The following TMEM132A variants were observed in gnomAD, a reference collection of about 807,000 sequenced individuals.
TMEM132A encodes the protein transmembrane protein 132A, also known as GRP78-binding protein.
A neutral mutation model predicts 69.9 loss-of-function variants in TMEM132A; 48 were observed. That is an observed-to-expected ratio of 0.69 (90% CI 0.55 to 0.87). The LOEUF is 0.87. Ranked by LOEUF, TMEM132A falls within the 40% of genes least tolerant of loss-of-function variation. The pLI is 0.00. For synonymous variants in TMEM132A, 577 were observed against 613.7 expected, an observed-to-expected ratio of 0.94 and a Z score of 0.88; for missense variants, 1,287 against 1,407.2, an observed-to-expected ratio of 0.91 and a Z score of 1.37.
chr11:60,933,477 C>G, intron 7 of TMEM132A, 65 bp from the exon 8 acceptor site: 2 of 1,418,802 alleles, frequency 1.4e-6, no homozygotes, highest in Non-Finnish European at 1.9e-6. Flanking sequence ...AGCCACCCAC[C>G]CGGCCCAGCC....
chr11:60,926,372 A>T (rs1008930203), intron 1 of TMEM132A, among the ~76,000 whole-genome samples: 1 of 152,350 alleles, frequency 6.6e-6, no homozygotes, highest in Non-Finnish European at 1.5e-5. Flanking sequence ...CATCCACAAA[A>T]TGGGATTCAT....
Position 60,927,716 on chromosome 11 carries a change from G to A in TMEM132A, c.391G>A (p.Ala131Thr), listed in dbSNP as rs1457055592. Residue 131 changes from alanine (A) to threonine (T), a missense_variant, in exon 3 of 11, where the codon GCT becomes ACT. Coordinates refer to ENST00000453848, the MANE Select transcript of TMEM132A (RefSeq NM_178031.3). Reference protein sequence around the residue: ...WDVRAVSVEAAVTPAEPYARV... With the variant: ...WDVRAVSVEATVTPAEPYARV... ...CGTGCGGGCCGTTTCAGTGGAAGCG[G>A]CTGTGACTCCAGCAGAGCCCTACGC... is the stretch of plus-strand genomic sequence containing the variant. The A allele has an allele frequency of 1.2e-6, 2 of 1,613,492 alleles. No individual in the cohort carries two copies. Among genetic ancestry groups the A allele is most frequent in the Non-Finnish European group, 1.7e-6 (2 of 1,180,058 alleles).
intron 9 of TMEM132A, 138 bp downstream of exon 9, chr11:60,934,902 T>G (rs1447329255): frequency 4.2e-6 from 4 of 952,096 alleles, no homozygotes; most frequent in Non-Finnish European, 6.1e-6. Context: ...CTGAGTGCAG[T>G]GGGATTGGGG....
rs1219122651 is a variant in TMEM132A, at chr11:60,924,538, G to A, written c.-96G>A. On this transcript the variant is annotated 5_prime_UTR_variant, in exon 1 of 11. Coordinates refer to ENST00000453848, the MANE Select transcript of TMEM132A (RefSeq NM_178031.3). ...CGGCGGCGGCGGCCGGGACCCAGCG[G>A]GCCAGGTGGGGACGGCGCGGAGCGG... 1.0e-6 allele frequency: 1 copy of A among 968,862 alleles called. No homozygotes were observed. Among genetic ancestry groups the A allele is most frequent in the South Asian group, 2.0e-5 (1 of 51,170 alleles). The allele number at this position is 968,862 out of a possible 1,614,324, so 60.0% of individuals were successfully genotyped here.
chr11:60,933,682 C>T lies in TMEM132A; in HGVS notation c.1497C>T (p.Ile499=), dbSNP rs773420606. The T allele has an allele frequency of 7.5e-6, 12 of 1,604,092 alleles. No homozygotes were observed. The East Asian group carries it at 9.0e-5, about 12-fold the overall frequency. Residue 499 remains isoleucine, a synonymous_variant, in exon 8 of 11, where the codon ATC becomes ATT. Coordinates refer to ENST00000453848, the MANE Select transcript of TMEM132A (RefSeq NM_178031.3). The part of the protein sequence containing the change: ...TVWAPLLPLR[I]ELTDTTLEQV... ...GGGCCCCCCTGCTACCGCTGCGTATCGAGCTCACCGACACCACCCTCGAGC... is the reference window on the plus strand; with the variant it reads ...GGGCCCCCCTGCTACCGCTGCGTATTGAGCTCACCGACACCACCCTCGAGC...
chr11:60,936,232 C>G lies in TMEM132A; in HGVS notation c.2397C>G (p.Gly799=), dbSNP rs1466007140. The change falls in exon 11 of 11, where the codon GGC becomes GGG. Residue 799 remains glycine, a synonymous_variant. Transcript: ENST00000453848. ...ATMGGKRQVA[G]SVGGNTGVRG... is the part of the protein sequence containing the mutation. ...TGGGTGGTAAACGGCAGGTGGCAGG[C>G]AGTGTCGGGGGCAACACAGGTGTGA... is the stretch of plus-strand genomic sequence containing the variant. 6.2e-7 allele frequency: 1 copy of G among 1,613,998 alleles called. No homozygotes were observed. Among genetic ancestry groups the G allele is most frequent in the Admixed American group, 1.7e-5 (1 of 60,020 alleles).
intron 1 of TMEM132A, chr11:60,925,077 A>C: frequency 4.0e-6 from 1 of 250,588 alleles, no homozygotes; most frequent in Non-Finnish European, 7.7e-6. Flanking sequence ...CCACTCCCTC[A>C]CTGTGGTCTG....
rs1186269173 is a variant in TMEM132A at position 60,928,854 on chromosome 11, G to A, written c.760G>A (p.Glu254Lys). The A allele has an allele frequency of 1.1e-5, 18 of 1,612,752 alleles. No homozygotes were observed. The highest frequency in any genetic ancestry group is 6.7e-5 in the African/African-American group (5 of 75,050). Reference protein sequence around the residue: ...PPQYQEVPLDEAVTLRVPDMP... With the variant: ...PPQYQEVPLDKAVTLRVPDMP... ...GCAGTACCAGGAGGTACCTCTGGAC[G>A]AGGCTGTGACTCTGCGGGTGCCTGA... Residue 254 changes from glutamate to lysine, a missense_variant, in exon 4 of 11, where the codon GAG (glutamate) becomes AAG (lysine). Coordinates refer to ENST00000453848, the MANE Select transcript of TMEM132A (RefSeq NM_178031.3).
At chr11:60,925,017 C>T (rs1326919362) in intron 1 of TMEM132A, among the ~76,000 whole-genome samples, 4 of 152,110 alleles carry the variant, frequency 2.6e-5, no homozygotes, top group Admixed American at 6.5e-5. Context: ...GACCCCTCAG[C>T]CCGGGCATCG....
Position 60,930,648 on chromosome 11 carries a change from G to T in TMEM132A, c.1005G>T (p.Glu335Asp), listed in dbSNP as rs367930901. 3.0e-5 allele frequency: 49 copies of T among 1,609,968 alleles called. No homozygotes were observed. In the African/African-American group the frequency reaches 6.0e-4, roughly 20 times the overall value. The change falls in exon 5 of 11, where the codon GAG becomes GAT. Residue 335 changes from glutamate to aspartate, a missense_variant. Coordinates refer to ENST00000453848, the MANE Select transcript of TMEM132A (RefSeq NM_178031.3). ...CCTGCCACCGTGCTGGGCTCACAGA[G>T]CCAGATTCCAGGTGGGCAGTTTCCC... Reference protein sequence around the residue: ...LITCHRAGLTEPDSSPLELSE... With the variant: ...LITCHRAGLTDPDSSPLELSE...
Position 60,937,093 on chromosome 11 carries a change from A to G in TMEM132A, c.*186A>G. ...TTGTCATGGACCATGGTCGTGAGGA[A>G]GGGCTCATGCCCCTTATTTATGGGA... On this transcript the variant is annotated 3_prime_UTR_variant, in exon 11 of 11. Transcript: ENST00000453848. 7.1e-7 allele frequency: 1 copy of G among 1,417,154 alleles called. No homozygotes were observed. The highest frequency in any genetic ancestry group is 9.4e-7 in the Non-Finnish European group (1 of 1,062,856). The allele number at this position is 1,417,154 out of a possible 1,614,324, so 87.8% of individuals were successfully genotyped here.
intron 3 of TMEM132A, 96 bp downstream of exon 3, chr11:60,927,955 C>T (rs928658470): frequency 1.8e-5 from 20 of 1,108,864 alleles, no homozygotes; most frequent in African/African-American, 3.1e-5. Context: ...TCCTGGGAAG[C>T]GCGGGGGTTG....
At position 60,936,869 on chromosome 11, in the gene TMEM132A, C is replaced by G. The variant is rs1429319213; in HGVS notation, c.3034C>G (p.Leu1012Val). 6.3e-7 allele frequency: 1 copy of G among 1,586,870 alleles called. No individual in the cohort carries two copies. The change falls in exon 11 of 11, where the codon CTT becomes GTT. Residue 1012 changes from leucine to valine, a missense_variant. Coordinates refer to ENST00000453848, the MANE Select transcript of TMEM132A (RefSeq NM_178031.3). ...CATGGGGCTGAAGGACCCTGAGGAG[C>G]TTCGCAACTACATGGAGAGGATCCG... ...EDMGLKDPEE[L>V]RNYMERIRGS...
In TMEM132A at chr11:60,927,186, C is replaced by T. The variant is rs1221726856; in HGVS notation, c.101-18C>T. The T allele has an allele frequency of 1.2e-6, 2 of 1,607,460 alleles. No homozygotes were observed. The highest frequency in any genetic ancestry group is 1.7e-6 in the Non-Finnish European group (2 of 1,177,460). On this transcript the variant is annotated intron_variant, in intron 1 of 10. Coordinates refer to ENST00000453848, the MANE Select transcript of TMEM132A (RefSeq NM_178031.3). ...AGCTCTGGAGCTGTCATCATCTCTC[C>T]CTCTTATGCCTCTTCAGTGGACTGT...
chr11:60,927,080 GA>G, intron 1 of TMEM132A, 123 bp from the exon 2 acceptor site: 4 of 796,224 alleles, frequency 5.0e-6, no homozygotes, highest in Non-Finnish European at 4.4e-6. Flanking sequence ...GGTGAGAGGG[GA>G]AGGGACATTT....
At position 60,936,999 on chromosome 11, in the gene TMEM132A, C is replaced by T. The variant is rs1856623881; in HGVS notation, c.*92C>T. ...GCCTGCCCCCGCCACTCGTCTGGTG[C>T]TTGTTGATCCAAGTCCCCTGCCTGG... On this transcript the variant is annotated 3_prime_UTR_variant, in exon 11 of 11. Transcript: ENST00000453848. 7.6e-7 allele frequency: 1 copy of T among 1,320,286 alleles called. No individual in the cohort carries two copies. Among genetic ancestry groups the T allele is most frequent in the African/African-American group, 1.5e-5 (1 of 67,826 alleles). 81.8% of individuals were successfully genotyped at this position (1,320,286 alleles called of 1,614,324 possible). A position where few individuals can be genotyped will look rare whatever the true frequency, so the allele number is the denominator to read the frequency against.
At chr11:60,934,214 C>G (rs945137532) in intron 8 of TMEM132A, 2 of 399,426 alleles carry the variant, frequency 5.0e-6, no homozygotes, top group Non-Finnish European at 8.8e-6. Context: ...GAGTGAGCGC[C>G]CCCAGGGTCC....
intron 1 of TMEM132A, chr11:60,925,059 C>G (rs547522861): frequency 3.6e-6 from 1 of 280,334 alleles, no homozygotes; most frequent in African/African-American, 2.3e-5. Context: ...GGCGCACTAG[C>G]GTCATCCCCA....
At position 60,937,103 on chromosome 11, in the gene TMEM132A, C is replaced by A; in HGVS notation, c.*196C>A. On this transcript the variant is annotated 3_prime_UTR_variant, in exon 11 of 11. Transcript: ENST00000453848. ...CCATGGTCGTGAGGAAGGGCTCATG[C>A]CCCTTATTTATGGGAACCATTTCAT... The A allele has an allele frequency of 6.9e-7, 1 of 1,449,498 alleles. No homozygotes were observed. The highest frequency in any genetic ancestry group is 1.4e-5 in the South Asian group (1 of 73,032). The allele number at this position is 1,449,498 out of a possible 1,614,324, so 89.8% of individuals were successfully genotyped here.
Sources: allele counts gnomAD v4.1 joint callset (sites outside exome capture counted in the v4.1 genomes callset), GRCh38; gene constraint gnomAD v4.1.1; transcripts MANE v1.5; gene names NCBI Gene and HGNC (gene_info 2026-07-23, HGNC 2026-07-21).